Variants in TRPC4 observed in about 807,000 individuals in gnomAD.
TRPC4 encodes the protein transient receptor potential cation channel subfamily C member 4, also known as short transient receptor potential channel 4.
A neutral mutation model predicts 99.4 loss-of-function variants in TRPC4; 49 were observed. That is an observed-to-expected ratio of 0.49 (90% CI 0.39 to 0.63). The LOEUF (loss-of-function observed/expected upper bound fraction) is 0.63, where lower values mean the gene tolerates loss of function less well. Ranked by LOEUF, TRPC4 falls within the 20% of genes least tolerant of loss-of-function variation. The probability of loss-of-function intolerance (pLI) is 0.00; values close to 1 mark genes in which losing one functional copy is unlikely to be tolerated. For synonymous variants in TRPC4, 454 were observed against 425.9 expected, an observed-to-expected ratio of 1.07 and a Z score of -0.81; for missense variants, 898 against 1,152.9, an observed-to-expected ratio of 0.78 and a Z score of 3.20.
chr13:37,833,163 G>C (rs1263432634), intron 1 of TRPC4, among the ~76,000 whole-genome samples: 1 of 151,692 alleles, frequency 6.6e-6, no homozygotes, highest in Non-Finnish European at 1.5e-5. Context: ...ATTTTCTTCT[G>C]CTTCTCATTC....
At chr13:37,765,506 C>G (rs997591590) in intron 2 of TRPC4, among the ~76,000 whole-genome samples, 2 of 151,264 alleles carry the variant, frequency 1.3e-5, no homozygotes, top group African/African-American at 4.8e-5. Flanking sequence ...ATTTTAAAGT[C>G]TTTTGAACAT....
Position 37,855,667 on chromosome 13 carries a change from G to C in TRPC4, c.-28+13928C>G, listed in dbSNP as rs1221986255. On this transcript the variant is annotated intron_variant, in intron 1 of 10. Transcript: ENST00000379705. ...AGTCTTAAAACATTCAAAAAATTGA[G>C]GTAATAGCAAGCATCTTCTTTCATC... is the stretch of plus-strand genomic sequence containing the variant. Among the ~76,000 whole-genome samples, 5 of 151,590 alleles carry C rather than the reference G, an allele frequency of 3.3e-5. No homozygotes were observed. In the South Asian group the frequency reaches 8.3e-4, roughly 25 times the overall value.
chr13:37,805,525 T>C lies in TRPC4; in HGVS notation c.-27-22165A>G, dbSNP rs554992983. On this transcript the variant is annotated intron_variant, in intron 1 of 10. Coordinates refer to ENST00000379705, the MANE Select transcript of TRPC4 (RefSeq NM_016179.4). ...ACAGTAAGAATGCTAACACATAGAA[T>C]GACTTCAGAAGGCCCAATGTCTTTG... Among the ~76,000 whole-genome samples the C allele has an allele frequency of 2.0e-5, 3 of 152,162 alleles. No homozygotes were observed. In the East Asian group the frequency reaches 5.8e-4, roughly 29 times the overall value.
intron 2 of TRPC4, among the ~76,000 whole-genome samples, chr13:37,760,753 T>C (rs1451115023): frequency 1.3e-5 from 2 of 151,974 alleles, no homozygotes; most frequent in East Asian, 3.9e-4. Context: ...TGAGTGTTAG[T>C]GTATTTTATA....
chr13:37,632,680 G>T lies in TRPC4; in HGVS notation c.*4223C>A, dbSNP rs1291138839. Among the ~76,000 whole-genome samples, 1 of 152,116 alleles carries T rather than the reference G, an allele frequency of 6.6e-6. No individual in the cohort carries two copies. On this transcript the variant is annotated 3_prime_UTR_variant, in exon 11 of 11. Coordinates refer to ENST00000379705, the MANE Select transcript of TRPC4 (RefSeq NM_016179.4). ...ATCTCTAATGTTTTTCAGTTGAGAA[G>T]CTTTGATATAATTTAATACATTTTA...
In TRPC4 at chr13:37,674,224, T is replaced by C; in HGVS notation, c.1374+4A>G. ...GCTTTACCAACAACATAAATAATAG[T>C]TACCTTTACAAATGCAACAATTTTC... On this transcript the variant is annotated splice_donor_region_variant and intron_variant, in intron 5 of 10. Transcript: ENST00000379705. 3.8e-6 allele frequency: 6 copies of C among 1,581,406 alleles called. No homozygotes were observed. Among genetic ancestry groups the C allele is most frequent in the Non-Finnish European group, 4.3e-6 (5 of 1,166,172 alleles).
chr13:37,771,771 T>C (rs1054087960), intron 2 of TRPC4, among the ~76,000 whole-genome samples: 18 of 151,700 alleles, frequency 1.2e-4, no homozygotes, highest in Non-Finnish European at 2.1e-4. Context: ...ATCTGTTGGG[T>C]ATATGTAGAA....
At chr13:37,811,218 G>A (rs1957676139) in intron 1 of TRPC4, among the ~76,000 whole-genome samples, 1 of 151,912 alleles carries the variant, frequency 6.6e-6, no homozygotes, top group South Asian at 2.1e-4. Flanking sequence ...TAACAAAATT[G>A]GCAACATATG....
At chr13:37,823,759 T>C (rs1593262658) in intron 1 of TRPC4, among the ~76,000 whole-genome samples, 1 of 142,328 alleles carries the variant, frequency 7.0e-6, no homozygotes, top group South Asian at 2.3e-4. Flanking sequence ...ATGCGGGCTC[T>C]TTTTTGTTCC....
intron 1 of TRPC4, among the ~76,000 whole-genome samples, chr13:37,820,278 G>A (rs566406293): frequency 6.6e-6 from 1 of 152,072 alleles, no homozygotes; most frequent in African/African-American, 2.4e-5. Context: ...CCAATAACAA[G>A]TTTGGAAATT....
rs1348947932 is a variant in TRPC4, at chr13:37,637,004, G to C, written c.2833C>G (p.Pro945Ala). 1.9e-6 allele frequency: 3 copies of C among 1,613,506 alleles called. No individual in the cohort carries two copies. The African/African-American group carries it at 4.0e-5, about 22-fold the overall frequency. The change falls in exon 11 of 11, where the codon CCA becomes GCA. Residue 945 changes from proline (P) to alanine (A), a missense_variant. Coordinates refer to ENST00000379705, the MANE Select transcript of TRPC4 (RefSeq NM_016179.4). ...TCTTCTTTTGCATGTTTCTCCTTTGGTATTATAGGAACCGTGTCCTCCACC... is the reference window on the plus strand; with the variant it reads ...TCTTCTTTTGCATGTTTCTCCTTTGCTATTATAGGAACCGTGTCCTCCACC... Reference protein sequence around the residue: ...VVVEDTVPIIPKEKHAKEEDS... With the variant: ...VVVEDTVPIIAKEKHAKEEDS...
Position 37,776,722 on chromosome 13 carries a change from C to A in TRPC4, c.378+6234G>T, listed in dbSNP as rs74047173. ...TAATAATTACCATATAAAGTTCATG[C>A]GATTGCAGACTTGTTCCAAAGCCCA... is the stretch of plus-strand genomic sequence containing the variant. On this transcript the variant is annotated intron_variant, in intron 2 of 10. Coordinates refer to ENST00000379705, the MANE Select transcript of TRPC4 (RefSeq NM_016179.4). 5.4e-3 allele frequency among the ~76,000 whole-genome samples: 814 copies of A among 151,920 alleles called. 9 individuals carry two copies. Among genetic ancestry groups the A allele is most frequent in the African/African-American group, 0.019 (777 of 41,498 alleles).
intron 1 of TRPC4, among the ~76,000 whole-genome samples, chr13:37,868,617 G>A (rs1362557849): frequency 6.9e-6 from 1 of 143,930 alleles, no homozygotes; most frequent in Non-Finnish European, 1.5e-5. Context: ...AACTGAAAAA[G>A]TTTTACAAGT....
At chr13:37,704,615 A>G (rs1000067554) in intron 3 of TRPC4, among the ~76,000 whole-genome samples, 5 of 152,110 alleles carry the variant, frequency 3.3e-5, no homozygotes, top group Admixed American at 6.6e-5. Context: ...CAGCCTGGGC[A>G]ACAGAGCAAG....
Position 37,777,748 on chromosome 13 carries a change from T to TA in TRPC4, c.378+5207dup, listed in dbSNP as rs995780652. On this transcript the variant is annotated intron_variant, in intron 2 of 10. Coordinates refer to ENST00000379705, the MANE Select transcript of TRPC4 (RefSeq NM_016179.4). ...AACACTATTATTACATGATACCTTA[T>TA]AAAAACACTTTTACAGAATTTGAAC... is the stretch of plus-strand genomic sequence containing the variant. Among the ~76,000 whole-genome samples the TA allele has an allele frequency of 1.3e-3, 194 of 152,118 alleles. 1 individual carries two copies. Among genetic ancestry groups the TA allele is most frequent in the African/African-American group, 4.2e-3 (174 of 41,544 alleles).
rs184802155 is a variant in TRPC4, at chr13:37,837,528, G to A, written c.-28+32067C>T. Among the ~76,000 whole-genome samples the A allele has an allele frequency of 2.0e-3, 306 of 152,332 alleles. 1 individual carries two copies. Among genetic ancestry groups the A allele is most frequent in the Non-Finnish European group, 2.7e-3 (187 of 68,040 alleles). On this transcript the variant is annotated intron_variant, in intron 1 of 10. Transcript: ENST00000379705. Reference sequence around the variant, plus strand: ...AGCTTTAAGATTTGACTGCTCCACTGGATTTCAGACTTGCATGGGGCCTGT... The same window carrying A: ...AGCTTTAAGATTTGACTGCTCCACTAGATTTCAGACTTGCATGGGGCCTGT...
intron 4 of TRPC4, among the ~76,000 whole-genome samples, chr13:37,675,367 G>C (rs900673584): frequency 6.6e-6 from 1 of 152,100 alleles, no homozygotes; most frequent in African/African-American, 2.4e-5. Flanking sequence ...GCTCACCTGC[G>C]GCAGAGTATG....
chr13:37,701,498 T>C (rs1267728571), intron 3 of TRPC4, among the ~76,000 whole-genome samples: 2 of 152,132 alleles, frequency 1.3e-5, no homozygotes, highest in Admixed American at 1.3e-4. Context: ...TATCATTTCC[T>C]CTCCGTCATC....
intron 4 of TRPC4, among the ~76,000 whole-genome samples, chr13:37,678,706 C>A (rs6563568): frequency 0.98 from 148,700 of 152,194 alleles, 72,733 homozygotes; most frequent in East Asian, 1. Flanking sequence ...GTGCTAATCA[C>A]ACTCTTGCAA....
Sources: gnomAD v4.1 joint callset for allele counts (sites outside exome capture counted in the v4.1 genomes callset) on GRCh38, gnomAD v4.1.1 for gene constraint, MANE v1.5 for transcripts, NCBI Gene and HGNC (gene_info 2026-07-23, HGNC 2026-07-21) for gene names.